Variants in ILRUN observed in about 807,000 individuals in gnomAD.
The protein encoded by ILRUN is inflammation and lipid regulator with UBA-like and NBR1-like domains.
ILRUN carries 3 observed loss-of-function variants against 33.8 expected under a neutral mutation model. That is an observed-to-expected ratio of 0.09 (90% CI 0.04 to 0.23). The LOEUF is 0.23. Ranked by LOEUF, ILRUN falls within the 10% of genes least tolerant of loss-of-function variation. The probability of loss-of-function intolerance (pLI) is 1.00; values close to 1 mark genes in which losing one functional copy is unlikely to be tolerated. For synonymous variants in ILRUN, 124 were observed against 138.9 expected, an observed-to-expected ratio of 0.89 and a Z score of 0.75; for missense variants, 210 against 375.1, an observed-to-expected ratio of 0.56 and a Z score of 3.64.
At chr6:34,599,079 T>C (rs942589527) in intron 4 of ILRUN, among the ~76,000 whole-genome samples, 1 of 152,186 alleles carries the variant, frequency 6.6e-6, no homozygotes, top group Non-Finnish European at 1.5e-5. Flanking sequence ...CTTCAGAGAA[T>C]AGCCAACAAA....
intron 1 of ILRUN, among the ~76,000 whole-genome samples, chr6:34,673,627 G>A (rs1254507692): frequency 6.6e-6 from 1 of 152,158 alleles, no homozygotes; most frequent in Admixed American, 6.5e-5. Flanking sequence ...GGGAGGCCAA[G>A]GCAAAAGGAT....
chr6:34,638,521 C>T (rs746664223), intron 3 of ILRUN, among the ~76,000 whole-genome samples: 1 of 151,696 alleles, frequency 6.6e-6, no homozygotes, highest in Non-Finnish European at 1.5e-5. Context: ...CAAGACCAGC[C>T]TGGGCAACTT....
At chr6:34,623,747 T>C (rs1008921802) in intron 3 of ILRUN, among the ~76,000 whole-genome samples, 2 of 152,152 alleles carry the variant, frequency 1.3e-5, no homozygotes, top group African/African-American at 2.4e-5. Flanking sequence ...AAATATAACA[T>C]TGGATAAAAA....
chr6:34,633,871 TGGAGGGAGAGAG>T (rs1271419723), intron 3 of ILRUN, among the ~76,000 whole-genome samples: 1 of 58,604 alleles, frequency 1.7e-5, no homozygotes, highest in East Asian at 7.3e-4. Flanking sequence ...GAGGGAGACA[TGGAGGGAGAGAG>T]GGAGGGAGGG....
At chr6:34,594,919 T>G (rs190170583) in intron 4 of ILRUN, among the ~76,000 whole-genome samples, 3 of 152,312 alleles carry the variant, frequency 2.0e-5, no homozygotes, top group Non-Finnish European at 2.9e-5. Context: ...GGAGGGGTGG[T>G]CCTCACTATG....
At chr6:34,616,562 G>T in intron 3 of ILRUN, 7 of 1,477,464 alleles carry the variant, frequency 4.7e-6, no homozygotes, top group Non-Finnish European at 6.5e-6. Context: ...AGAGAAGAAG[G>T]TTCCTGCTGT....
intron 3 of ILRUN, among the ~76,000 whole-genome samples, chr6:34,621,887 C>G (rs1420029346): frequency 6.6e-6 from 1 of 151,616 alleles, no homozygotes; most frequent in East Asian, 1.9e-4. Context: ...GTGGTACTGG[C>G]AGAAAGACAG....
At chr6:34,604,819 T>C (rs1320932469) in intron 4 of ILRUN, among the ~76,000 whole-genome samples, 1 of 152,220 alleles carries the variant, frequency 6.6e-6, no homozygotes, top group Non-Finnish European at 1.5e-5. Context: ...GTAATGAACA[T>C]CTAATCAACC....
intron 1 of ILRUN, among the ~76,000 whole-genome samples, chr6:34,676,349 T>C (rs1428023730): frequency 1.3e-5 from 2 of 150,900 alleles, no homozygotes; most frequent in East Asian, 1.9e-4. Context: ...CAGTGAGCCA[T>C]GATTCTAGGA....
At chr6:34,694,196 T>C (rs1229109140) in intron 1 of ILRUN, among the ~76,000 whole-genome samples, 1 of 152,170 alleles carries the variant, frequency 6.6e-6, no homozygotes, top group Non-Finnish European at 1.5e-5. Context: ...AGACATTAAA[T>C]ACATACCTCA....
At chr6:34,608,644 A>G (rs1278505204) in intron 3 of ILRUN, among the ~76,000 whole-genome samples, 1 of 152,210 alleles carries the variant, frequency 6.6e-6, no homozygotes, top group East Asian at 1.9e-4. Flanking sequence ...ACTAGGTAAC[A>G]GGAATTTTTC....
chr6:34,633,996 A>C (rs1229914273), intron 3 of ILRUN, among the ~76,000 whole-genome samples: 3 of 151,988 alleles, frequency 2.0e-5, no homozygotes, highest in Admixed American at 6.6e-5. Context: ...CTGGGAGCAC[A>C]TGCCTGTAAT....
chr6:34,636,177 G>A (rs1390368954), intron 3 of ILRUN, among the ~76,000 whole-genome samples: 1 of 152,058 alleles, frequency 6.6e-6, no homozygotes, highest in East Asian at 1.9e-4. Context: ...GAGCCCAAGA[G>A]TTCAAGGCTA....
intron 3 of ILRUN, among the ~76,000 whole-genome samples, chr6:34,623,759 G>T (rs1270887936): frequency 6.6e-6 from 1 of 152,086 alleles, no homozygotes; most frequent in Non-Finnish European, 1.5e-5. Flanking sequence ...GGATAAAAAG[G>T]CTTAAAATTT....
At chr6:34,665,649 G>C (rs149990294) in intron 1 of ILRUN, among the ~76,000 whole-genome samples, 1 of 151,802 alleles carries the variant, frequency 6.6e-6, no homozygotes, top group Non-Finnish European at 1.5e-5. Context: ...GGCTGGTTTC[G>C]AACTCCTGGC....
chr6:34,624,590 T>G (rs1277930195), intron 3 of ILRUN, among the ~76,000 whole-genome samples: 1 of 152,080 alleles, frequency 6.6e-6, no homozygotes, highest in Non-Finnish European at 1.5e-5. Context: ...TGCCTGGGCC[T>G]CCCAAAGTGC....
At chr6:34,694,595 G>T (rs753371627) in intron 1 of ILRUN, among the ~76,000 whole-genome samples, 1 of 152,188 alleles carries the variant, frequency 6.6e-6, no homozygotes, top group Non-Finnish European at 1.5e-5. Flanking sequence ...GAGATCATCA[G>T]ACGTAACAGA....
In ILRUN at chr6:34,651,303, A is replaced by G. The variant is rs373099113; in HGVS notation, c.313+3322T>C. ...CAGGCACAAGAATGCCCTTTCACAC[A>G]AGGAAAGAGATTCAGAAGCTGTTTT... On this transcript the variant is annotated intron_variant, in intron 2 of 4. Transcript: ENST00000374023. Among the ~76,000 whole-genome samples the G allele has an allele frequency of 4.7e-4, 72 of 152,284 alleles. No individual in the cohort carries two copies. In the East Asian group the frequency reaches 0.012, roughly 25 times the overall value.
At chr6:34,617,824 C>A (rs568459125) in intron 3 of ILRUN, among the ~76,000 whole-genome samples, 1 of 152,098 alleles carries the variant, frequency 6.6e-6, no homozygotes, top group African/African-American at 2.4e-5. Flanking sequence ...CCTCAAAAAA[C>A]GTATTAAGCT....
Sources: allele counts gnomAD v4.1 joint callset (sites outside exome capture counted in the v4.1 genomes callset), GRCh38; gene constraint gnomAD v4.1.1; transcripts MANE v1.5; gene names NCBI Gene and HGNC (gene_info 2026-07-23, HGNC 2026-07-21).